CEP164: variants seen among roughly 807,000 people sequenced by gnomAD.
CEP164 encodes the protein centrosomal protein 164.
In CEP164, 162 loss-of-function variants were observed where a neutral mutation model predicts 182.7. The ratio of observed to expected loss-of-function variants is 0.89; its 90% CI spans 0.78 to 1.01. The LOEUF is 1.01. CEP164 is among the 50% of genes least tolerant of loss of function. The probability of loss-of-function intolerance (pLI) is 0.00; values close to 1 mark genes in which losing one functional copy is unlikely to be tolerated. For missense variants in CEP164, 1,735 were observed against 1,790.4 expected (o/e 0.97, Z 0.56); for synonymous variants, 661 against 690.0 (o/e 0.96, Z 0.66).
rs565845914 is a variant in CEP164 at position 117,338,665 on chromosome 11, C to G, written c.79C>G (p.Gln27Glu). ...DYDETYIPSE[Q>E]EILEFAREIG... ...TGATGAGACCTACATTCCTAGTGAG[C>G]AAGGTAACAAGTCTGTGAAGAGGCC... Residue 27 changes from glutamine to glutamate, a missense_variant, in exon 3 of 33, where the codon CAA becomes GAA. Physicochemically the swap from Gln to Glu is conservative, Grantham distance 29. Coordinates refer to ENST00000278935, the MANE Select transcript of CEP164 (RefSeq NM_014956.5). 1.3e-5 allele frequency: 21 copies of G among 1,610,286 alleles called. No individual in the cohort carries two copies. The highest frequency in any genetic ancestry group is 1.8e-5 in the Non-Finnish European group (21 of 1,176,642).
Position 117,371,177 on chromosome 11 carries a change from G to T in CEP164, c.863G>T (p.Gly288Val), listed in dbSNP as rs918332589. Residue 288 changes from glycine (G) to valine (V), a missense_variant, in exon 9 of 33, where the codon GGT becomes GTT. Gly to Val is a moderately radical substitution (Grantham distance 109, BLOSUM62 -3). Coordinates refer to ENST00000278935, the MANE Select transcript of CEP164 (RefSeq NM_014956.5). ...ACTCCCTGCAAGCCCTCCAGCCCAG[G>T]TGCAGACAGCAGTCTGAGCAGTGCT... is the stretch of plus-strand genomic sequence containing the variant. ...PPTPCKPSSP[G>V]ADSSLSSAVG... is the part of the protein sequence containing the mutation. 2 of 1,614,226 alleles carry T rather than the reference G, an allele frequency of 1.2e-6. No individual in the cohort carries two copies. Among genetic ancestry groups the T allele is most frequent in the South Asian group, 2.2e-5 (2 of 91,084 alleles).
chr11:117,354,023 T>TTC (rs1219516937), intron 5 of CEP164, among the ~76,000 whole-genome samples: 35 of 141,776 alleles, frequency 2.5e-4, no homozygotes, highest in Admixed American at 1.4e-4. Context: ...CTTCTTCTTC[T>TTC]TTTTTTTTTT....
In CEP164 at chr11:117,409,333, G is replaced by C; in HGVS notation, c.3749-285G>C. 1 of 577,348 alleles carries C rather than the reference G, an allele frequency of 1.7e-6. No individual in the cohort carries two copies. 35.8% of individuals were successfully genotyped at this position (577,348 alleles called of 1,614,324 possible). On this transcript the variant is annotated intron_variant, in intron 29 of 32. Transcript: ENST00000278935. This position sits in a 1 kb window ranked among gnomAD's most constrained non-coding sequence, Gnocchi z 4.4. ...AGGCTTTTCTCTCTCAGCTGCCCTG[G>C]CCTGTATGTGACAGAAGGGCCCTCT...
intron 30 of CEP164, chr11:117,410,401 G>A: frequency 7.0e-6 from 2 of 286,082 alleles, no homozygotes; most frequent in South Asian, 8.9e-5. Context: ...TACAGATGAG[G>A]AAACTGAGTT....
chr11:117,353,962 T>A (rs548829351), intron 5 of CEP164, among the ~76,000 whole-genome samples: 148 of 152,126 alleles, frequency 9.7e-4, no homozygotes, highest in South Asian at 1.9e-3. Context: ...TTAAAAAATT[T>A]CCGGGTGTCC....
At chr11:117,341,551 C>G (rs995511331) in intron 3 of CEP164, among the ~76,000 whole-genome samples, 3 of 151,828 alleles carry the variant, frequency 2.0e-5, no homozygotes. Context: ...TCAAGTGATT[C>G]TCCCACCTCA....
chr11:117,410,641 C>T lies in CEP164; in HGVS notation c.4097-187C>T, dbSNP rs17120668. ...ACAAAATATCTTCTTTTTGCCCTAA[C>T]CCAAATTGAAAAGTAGATTAAGTTT... On this transcript the variant is annotated intron_variant, in intron 30 of 32. Coordinates refer to ENST00000278935, the MANE Select transcript of CEP164 (RefSeq NM_014956.5). 2,330 of 520,464 alleles carry T rather than the reference C, an allele frequency of 4.5e-3. 48 individuals are homozygous for T. The highest frequency in any genetic ancestry group is 0.04 in the African/African-American group (2,100 of 52,982). 32.2% of individuals were successfully genotyped at this position (520,464 alleles called of 1,614,324 possible). A position where few individuals can be genotyped will look rare whatever the true frequency, so the allele number is the denominator to read the frequency against.
intron 7 of CEP164, 24 bp from the exon 8 acceptor site, chr11:117,363,405 A>ATTTTTGTTT: frequency 6.3e-7 from 1 of 1,583,648 alleles, no homozygotes; most frequent in Non-Finnish European, 8.7e-7. Flanking sequence ...CAGAGTTACC[A>ATTTTTGTTT]CTTGTCATCA....
At chr11:117,328,507 T>G (rs1247884430) in intron 1 of CEP164, among the ~76,000 whole-genome samples, 1 of 152,200 alleles carries the variant, frequency 6.6e-6, no homozygotes, top group African/African-American at 2.4e-5. Context: ...CTGTCCGTTC[T>G]CCTAACTCAG....
At chr11:117,327,412 T>A (rs1240579576), upstream of CEP164, among the ~76,000 whole-genome samples, 1 of 151,986 alleles carries the variant, frequency 6.6e-6, no homozygotes, top group African/African-American at 2.4e-5. Context: ...CTCTAAATAG[T>A]CCTTCTCTGT....
chr11:117,355,325 A>G lies in CEP164; in HGVS notation c.393+3337A>G, dbSNP rs74688068. On this transcript the variant is annotated intron_variant, in intron 5 of 32. Coordinates refer to ENST00000278935, the MANE Select transcript of CEP164 (RefSeq NM_014956.5). ...TGAAACAGAAGAGCTGGAAATGAGA[A>G]GCAGGCAGCAGAAACTGGGCACTCC... 1,163 of 1,289,874 alleles carry G rather than the reference A, an allele frequency of 9.0e-4. 10 individuals carry two copies. The East Asian group carries it at 0.024, about 27-fold the overall frequency. The allele number at this position is 1,289,874 out of a possible 1,614,324, so 79.9% of individuals were successfully genotyped here. A position where few individuals can be genotyped will look rare whatever the true frequency, so the allele number is the denominator to read the frequency against.
At chr11:117,338,931 C>T (rs2037635997) in intron 3 of CEP164, among the ~76,000 whole-genome samples, 1 of 152,086 alleles carries the variant, frequency 6.6e-6, no homozygotes, top group African/African-American at 2.4e-5. Context: ...GATTCTCCCA[C>T]CTCAGCCTCC....
intron 5 of CEP164, chr11:117,355,099 C>T: frequency 7.8e-7 from 1 of 1,289,842 alleles, no homozygotes; most frequent in African/African-American, 1.5e-5. Context: ...GTGACACTCC[C>T]TGGCGTTTCA....
intron 26 of CEP164, 144 bp from the exon 27 acceptor site, chr11:117,396,947 G>T (rs973377855): frequency 5.5e-6 from 4 of 727,874 alleles, no homozygotes; most frequent in African/African-American, 5.3e-5. Flanking sequence ...TTGAACAGTG[G>T]CATCCCTGCA....
chr11:117,342,710 A>G (rs1314916104), intron 3 of CEP164, among the ~76,000 whole-genome samples: 1 of 152,104 alleles, frequency 6.6e-6, no homozygotes, highest in African/African-American at 2.4e-5. Flanking sequence ...TCCTGAGCTC[A>G]AGTGATCTGC....
chr11:117,354,372 G>A (rs944160469), intron 5 of CEP164, among the ~76,000 whole-genome samples: 5 of 152,170 alleles, frequency 3.3e-5, no homozygotes, highest in African/African-American at 1.2e-4. Context: ...GAGCTGGATA[G>A]TATCTTAGGG....
chr11:117,338,499 G>A (rs1316727054), intron 2 of CEP164, 67 bp from the exon 3 acceptor site: 2 of 1,201,982 alleles, frequency 1.7e-6, no homozygotes, highest in African/African-American at 1.5e-5. Context: ...ATGACCCAGT[G>A]CCAACTTTTC....
At chr11:117,378,027 ATTTT>A (rs796284395) in intron 11 of CEP164, among the ~76,000 whole-genome samples, 57 of 144,180 alleles carry the variant, frequency 4.0e-4, no homozygotes, top group Non-Finnish European at 9.2e-5. Context: ...TGCCCGGCTA[ATTTT>A]TTTTTTTTTG....
Position 117,409,519 on chromosome 11 carries a change from G to A in CEP164, c.3749-99G>A. On this transcript the variant is annotated intron_variant, in intron 29 of 32. Coordinates refer to ENST00000278935, the MANE Select transcript of CEP164 (RefSeq NM_014956.5). This position sits in a 1 kb window ranked among gnomAD's most constrained non-coding sequence, Gnocchi z 4.4. Reference sequence around the variant, plus strand: ...AGGGGCTGTTGTCTGGAGAAGCAGGGAGGGGTGGCCAGTAGGGTCCTCCAT... The same window carrying A: ...AGGGGCTGTTGTCTGGAGAAGCAGGAAGGGGTGGCCAGTAGGGTCCTCCAT... 1 of 1,044,842 alleles carries A rather than the reference G, an allele frequency of 9.6e-7. No homozygotes were observed. Among genetic ancestry groups the A allele is most frequent in the Non-Finnish European group, 1.4e-6 (1 of 709,688 alleles). The allele number at this position is 1,044,842 out of a possible 1,614,324, so 64.7% of individuals were successfully genotyped here. A position where few individuals can be genotyped will look rare whatever the true frequency, so the allele number is the denominator to read the frequency against.
Sources: gnomAD v4.1 joint callset for allele counts (sites outside exome capture counted in the v4.1 genomes callset) on GRCh38, gnomAD v4.1.1 for gene constraint, Gnocchi (gnomAD v3.1) non-coding constraint, MANE v1.5 for transcripts, NCBI Gene and HGNC (gene_info 2026-07-23, HGNC 2026-07-21) for gene names.